Variants in SLC25A48 observed in about 807,000 individuals in gnomAD.
The protein encoded by SLC25A48 is solute carrier family 25 member 48.
SLC25A48 carries 29 observed loss-of-function variants against 32.2 expected under a neutral mutation model. That is an observed-to-expected ratio of 0.90 (90% confidence interval 0.67 to 1.23). SLC25A48 has a LOEUF of 1.23. Ranked by LOEUF, SLC25A48 falls within the 50% of genes most tolerant of loss-of-function variation. The pLI, the probability that SLC25A48 is intolerant of heterozygous loss-of-function variation, is 0.00. For synonymous variants in SLC25A48, 164 were observed against 172.3 expected (o/e 0.95, Z 0.38); for missense variants, 399 against 422.7 (o/e 0.94, Z 0.49).
At chr5:135,670,027 T>G (rs1285434668) in intron 3 of SLC25A48, among the ~76,000 whole-genome samples, 1 of 152,218 alleles carries the variant, frequency 6.6e-6, no homozygotes, top group African/African-American at 2.4e-5. Context: ...CCGTGATGAC[T>G]GGAATGATGT....
At chr5:135,631,585 C>T (rs748245640) in intron 2 of SLC25A48, among the ~76,000 whole-genome samples, 12 of 152,208 alleles carry the variant, frequency 7.9e-5, no homozygotes, top group Non-Finnish European at 1.3e-4. Flanking sequence ...GGTGACCCAA[C>T]AAATGGCTAA....
chr5:135,668,514 A>G (rs1753574954), intron 3 of SLC25A48, among the ~76,000 whole-genome samples: 1 of 152,240 alleles, frequency 6.6e-6, no homozygotes, highest in Non-Finnish European at 1.5e-5. Flanking sequence ...ATATCAAATA[A>G]TTTAAGTCAA....
chr5:135,877,857 G>C (rs1762169897), intron 6 of SLC25A48, among the ~76,000 whole-genome samples: 1 of 152,198 alleles, frequency 6.6e-6, no homozygotes. Context: ...TGCAAGCCAG[G>C]CCTGGGAAGC....
At chr5:135,877,156 T>TC (rs2126823546) in intron 6 of SLC25A48, among the ~76,000 whole-genome samples, 1 of 152,264 alleles carries the variant, frequency 6.6e-6, no homozygotes, top group African/African-American at 2.4e-5. Flanking sequence ...TGTCGAGGCA[T>TC]CCCCAAGTAG....
chr5:135,620,338 G>A (rs1309495099), intron 1 of SLC25A48, among the ~76,000 whole-genome samples: 1 of 152,136 alleles, frequency 6.6e-6, no homozygotes, highest in Non-Finnish European at 1.5e-5. Flanking sequence ...GCTGAGCTGG[G>A]CAGACCTTCC....
chr5:135,742,070 AT>A (rs1433839009), intron 3 of SLC25A48, among the ~76,000 whole-genome samples: 1 of 152,010 alleles, frequency 6.6e-6, no homozygotes. Context: ...AGTTTTTTTA[AT>A]TATTTTTGTT....
At chr5:135,674,783 G>A (rs900770732) in intron 3 of SLC25A48, among the ~76,000 whole-genome samples, 4 of 151,946 alleles carry the variant, frequency 2.6e-5, no homozygotes, top group Non-Finnish European at 5.9e-5. Context: ...TGGCTATTGT[G>A]AATTGTGAAT....
chr5:135,845,281 G>T (rs564063606), intron 2 of SLC25A48, among the ~76,000 whole-genome samples: 2 of 152,298 alleles, frequency 1.3e-5, no homozygotes, highest in South Asian at 4.1e-4. Context: ...TGTCAGATCT[G>T]CCCATCCTTC....
intron 1 of SLC25A48, among the ~76,000 whole-genome samples, 155 bp from the exon 2 acceptor site, chr5:135,842,261 C>T (rs1366477503): frequency 6.6e-6 from 1 of 152,156 alleles, no homozygotes; most frequent in Non-Finnish European, 1.5e-5. Context: ...TTCCTTGGTG[C>T]ATGGGCCAGT....
At position 135,740,245 on chromosome 5, in the gene SLC25A48, G is replaced by C. The variant is rs149640741; in HGVS notation, c.-520-72278G>C. 4.8e-4 allele frequency among the ~76,000 whole-genome samples: 73 copies of C among 152,286 alleles called. 2 individuals are homozygous for C. The East Asian group carries it at 0.014, about 29-fold the overall frequency. On this transcript the variant is annotated intron_variant, in intron 3 of 10. Coordinates refer to the SLC25A48 transcript ENST00000646290. Reference sequence around the variant, plus strand: ...GTCTCGGTCTGTCACCCAGGCTGGAGTGCAGTGGGGTGATCTCGGCTCACT... The same window carrying C: ...GTCTCGGTCTGTCACCCAGGCTGGACTGCAGTGGGGTGATCTCGGCTCACT...
At chr5:135,711,842 C>G (rs890676365) in intron 3 of SLC25A48, among the ~76,000 whole-genome samples, 1 of 152,050 alleles carries the variant, frequency 6.6e-6, no homozygotes, top group Non-Finnish European at 1.5e-5. Flanking sequence ...ATCCCTCTTC[C>G]TAAGGGCCAC....
intron 4 of SLC25A48, among the ~76,000 whole-genome samples, chr5:135,868,235 G>T (rs150835497): frequency 2.0e-5 from 3 of 152,150 alleles, no homozygotes; most frequent in African/African-American, 4.8e-5. Flanking sequence ...TGGGGAGGAG[G>T]TCCAGCCAAG....
At chr5:135,765,021 T>C (rs1756170682) in intron 3 of SLC25A48, among the ~76,000 whole-genome samples, 1 of 151,332 alleles carries the variant, frequency 6.6e-6, no homozygotes, top group Non-Finnish European at 1.5e-5. Flanking sequence ...TTACTCCTCA[T>C]ATGGGGGTAG....
At chr5:135,725,986 C>T (rs1199011388) in intron 3 of SLC25A48, among the ~76,000 whole-genome samples, 3 of 152,202 alleles carry the variant, frequency 2.0e-5, no homozygotes, top group East Asian at 3.9e-4. Context: ...CACTGACAAG[C>T]TGCGCCTACT....
intron 1 of SLC25A48, among the ~76,000 whole-genome samples, chr5:135,601,721 G>A (rs138170202): frequency 1.6e-3 from 243 of 152,288 alleles, no homozygotes; most frequent in African/African-American, 5.6e-3. Context: ...TGCCCTCTCT[G>A]ATCTATTCAT....
intron 4 of SLC25A48, among the ~76,000 whole-genome samples, chr5:135,863,746 C>T (rs1760984950): frequency 6.6e-6 from 1 of 152,052 alleles, no homozygotes; most frequent in Admixed American, 6.6e-5. Context: ...GGGAATTACC[C>T]CAGGCTGTGC....
At chr5:135,738,712 G>A (rs762226061) in intron 3 of SLC25A48, among the ~76,000 whole-genome samples, 7 of 152,130 alleles carry the variant, frequency 4.6e-5, no homozygotes, top group South Asian at 2.1e-4. Context: ...GGAGGGCCTC[G>A]CACACTCAGT....
rs753799386 is a variant in SLC25A48 at position 135,871,685 on chromosome 5, C to G, written c.646C>G (p.Pro216Ala). 5 of 1,613,840 alleles carry G rather than the reference C, an allele frequency of 3.1e-6. No homozygotes were observed. The South Asian group carries it at 5.5e-5, about 18-fold the overall frequency. The change falls in exon 5 of 8, where the codon CCC becomes GCC. Residue 216 changes from proline to alanine, a missense_variant. Pro to Ala is a conservative substitution (Grantham distance 27). Transcript: ENST00000681962. ...ACCTGAGGCCTGCACAGGCCCCAGC[C>G]CCTGTGCCGTGTGGCTGGCGGGCGG... ...ITPEACTGPSPCAVWLAGGMA... is the reference protein window; with the variant it reads ...ITPEACTGPSACAVWLAGGMA...
intron 3 of SLC25A48, among the ~76,000 whole-genome samples, chr5:135,692,133 C>G (rs929807222): frequency 1.3e-5 from 2 of 152,038 alleles, no homozygotes; most frequent in African/African-American, 4.8e-5. Flanking sequence ...CTGGCTAACA[C>G]GGTGAAACCC....
Sources: gnomAD v4.1 joint callset for allele counts (sites outside exome capture counted in the v4.1 genomes callset) on GRCh38, gnomAD v4.1.1 for gene constraint, MANE v1.5 for transcripts, NCBI Gene and HGNC (gene_info 2026-07-23, HGNC 2026-07-21) for gene names.